NADSYN1: variants seen among roughly 807,000 people sequenced by gnomAD.
NADSYN1 encodes NAD synthetase 1.
In NADSYN1, 80 loss-of-function variants were observed where a neutral mutation model predicts 99.3. The observed-to-expected ratio is 0.81, with a 90% CI of 0.67 to 0.97. The LOEUF (loss-of-function observed/expected upper bound fraction) is 0.97. NADSYN1 is among the 50% of genes least tolerant of loss of function. The probability of loss-of-function intolerance (pLI) is 0.00; values close to 1 mark genes in which losing one functional copy is unlikely to be tolerated. For synonymous variants in NADSYN1, 385 were observed against 372.1 expected (o/e 1.03, Z -0.40); for missense variants, 859 against 948.5 (o/e 0.91, Z 1.24).
chr11:71,492,522 A>G (rs571112189), intron 18 of NADSYN1, among the ~76,000 whole-genome samples: 2 of 152,312 alleles, frequency 1.3e-5, no homozygotes, highest in South Asian at 4.1e-4. Context: ...ATTTGCTGAA[A>G]GGATGATCCT....
intron 5 of NADSYN1, among the ~76,000 whole-genome samples, chr11:71,465,108 A>T (rs1949579094): frequency 6.6e-6 from 1 of 152,148 alleles, no homozygotes; most frequent in Admixed American, 6.5e-5. Context: ...GCAGCACAGC[A>T]GAGAAGGGGC....
intron 11 of NADSYN1, 68 bp from the exon 12 acceptor site, chr11:71,481,288 G>T: frequency 6.5e-7 from 1 of 1,532,128 alleles, no homozygotes; most frequent in Middle Eastern, 2.2e-4. Context: ...GGGCCTGCTT[G>T]GGTGGGTTGT....
chr11:71,465,650 C>T (rs921158640), intron 5 of NADSYN1, among the ~76,000 whole-genome samples: 13 of 152,366 alleles, frequency 8.5e-5, no homozygotes, highest in African/African-American at 3.1e-4. Flanking sequence ...TGTCCCCAGA[C>T]ATTACCAGAT....
chr11:71,481,307 G>A lies in NADSYN1; in HGVS notation c.999-49G>A, dbSNP rs371157199. ...CTGCTTGGGTGGGTTGTTGGGTGCT[G>A]TGGGCAGGGGCCACCGCCTCCGGGC... On this transcript the variant is annotated intron_variant, in intron 11 of 20. Transcript: ENST00000319023. 5 of 1,603,342 alleles carry A rather than the reference G, an allele frequency of 3.1e-6. No individual in the cohort carries two copies. In the African/African-American group the frequency reaches 5.4e-5, roughly 17 times the overall value.
rs113468999 is a variant in NADSYN1, at chr11:71,483,023, G to A, written c.1319+6G>A. On this transcript the variant is annotated splice_donor_region_variant and intron_variant, in intron 14 of 20. Coordinates refer to ENST00000319023, the MANE Select transcript of NADSYN1 (RefSeq NM_018161.5). ...TTGGCCCAGCAGATTGGAAGGTAGAGTTGGTCCCTGGTATTGGGCATGGCA... is the reference window on the plus strand; with the variant it reads ...TTGGCCCAGCAGATTGGAAGGTAGAATTGGTCCCTGGTATTGGGCATGGCA... The A allele has an allele frequency of 1.2e-6, 2 of 1,611,702 alleles. No individual in the cohort carries two copies. Among genetic ancestry groups the A allele is most frequent in the South Asian group, 2.2e-5 (2 of 90,996 alleles).
intron 3 of NADSYN1, among the ~76,000 whole-genome samples, 154 bp from the exon 4 acceptor site, chr11:71,463,278 G>C (rs750055256): frequency 4.7e-4 from 71 of 152,150 alleles, no homozygotes; most frequent in Non-Finnish European, 1.9e-4. Flanking sequence ...TTGATTTGAG[G>C]GTGCCACAGA....
intron 1 of NADSYN1, 54 bp from the exon 2 acceptor site, chr11:71,455,056 T>C: frequency 7.4e-7 from 1 of 1,359,974 alleles, no homozygotes; most frequent in Non-Finnish European, 1.0e-6. Flanking sequence ...CATCTGTCTT[T>C]GAGTGTATAG....
chr11:71,457,323 G>A (rs1949520701), intron 2 of NADSYN1, among the ~76,000 whole-genome samples: 2 of 152,250 alleles, frequency 1.3e-5, no homozygotes, highest in Non-Finnish European at 2.9e-5. Flanking sequence ...TGCTTTCCCA[G>A]ATACTGAAAG....
chr11:71,480,906 G>A, intron 11 of NADSYN1, 27 bp downstream of exon 11: 1 of 1,611,148 alleles, frequency 6.2e-7, no homozygotes, highest in Non-Finnish European at 8.5e-7. Flanking sequence ...CCCTGGGAGG[G>A]ACCTGGCGTC....
chr11:71,501,366 C>A lies in NADSYN1; in HGVS notation c.*14C>A, dbSNP rs1290613334. The stretch of plus-strand genomic sequence containing the variant: ...GGCGTGGACTGAGGCCGGTTCCTTC[C>A]TGGAGGCCTCCTGTCCTCGGGGACC... On this transcript the variant is annotated 3_prime_UTR_variant, in exon 21 of 21. Coordinates refer to ENST00000319023, the MANE Select transcript of NADSYN1 (RefSeq NM_018161.5). 6.3e-7 allele frequency: 1 copy of A among 1,597,118 alleles called. No homozygotes were observed. Among genetic ancestry groups the A allele is most frequent in the East Asian group, 2.3e-5 (1 of 44,154 alleles).
intron 18 of NADSYN1, among the ~76,000 whole-genome samples, chr11:71,496,226 A>G (rs1949817603): frequency 6.6e-6 from 1 of 152,178 alleles, no homozygotes; most frequent in African/African-American, 2.4e-5. Context: ...CCAGGGTCTG[A>G]AATCAAGGTG....
chr11:71,454,639 C>T (rs1949501467), intron 1 of NADSYN1, among the ~76,000 whole-genome samples: 1 of 152,210 alleles, frequency 6.6e-6, no homozygotes, highest in Non-Finnish European at 1.5e-5. Context: ...TCCCTAGGTG[C>T]TTGTTGGAAG....
intron 2 of NADSYN1, among the ~76,000 whole-genome samples, chr11:71,457,758 C>A (rs1184475824): frequency 6.6e-6 from 1 of 152,186 alleles, no homozygotes; most frequent in African/African-American, 2.4e-5. Context: ...ATCTCTGCCT[C>A]CGTCCTCATG....
intron 12 of NADSYN1, chr11:71,481,610 A>T (rs955771669): frequency 5.2e-5 from 32 of 618,466 alleles, no homozygotes; most frequent in Non-Finnish European, 8.5e-5. Context: ...CCACCTTTGG[A>T]GGCTCAGCGG....
At chr11:71,483,194 G>A (rs1949720763) in intron 14 of NADSYN1, among the ~76,000 whole-genome samples, 177 bp downstream of exon 14, 1 of 152,136 alleles carries the variant, frequency 6.6e-6, no homozygotes, top group Non-Finnish European at 1.5e-5. Context: ...ATATTCCACT[G>A]TACGGATAGA....
At chr11:71,462,129 G>C (rs1792319) in intron 3 of NADSYN1, among the ~76,000 whole-genome samples, 134,492 of 152,136 alleles carry the variant, frequency 0.88, 60,002 homozygotes, top group Non-Finnish European at 0.96. Context: ...CCTGAAAGAC[G>C]GGTTCAGGCC....
At chr11:71,482,735 G>T (rs896199997) in intron 13 of NADSYN1, 114 bp from the exon 14 acceptor site, 2 of 1,219,362 alleles carry the variant, frequency 1.6e-6, no homozygotes, top group East Asian at 2.6e-5. Context: ...GCACCTGGGG[G>T]TGTAGACCGG....
In NADSYN1 at chr11:71,474,377, G is replaced by A. The variant is rs763639471; in HGVS notation, c.667-18G>A. 1 of 1,614,026 alleles carries A rather than the reference G, an allele frequency of 6.2e-7. No individual in the cohort carries two copies. The highest frequency in any genetic ancestry group is 8.5e-7 in the Non-Finnish European group (1 of 1,179,914). ...TGGACACAGCTGACCACTCCGCTATGGGGTCCTCCTTTTTCAGAACGGTGG... is the reference window on the plus strand; with the variant it reads ...TGGACACAGCTGACCACTCCGCTATAGGGTCCTCCTTTTTCAGAACGGTGG... On this transcript the variant is annotated intron_variant, in intron 8 of 20. Coordinates refer to ENST00000319023, the MANE Select transcript of NADSYN1 (RefSeq NM_018161.5).
intron 11 of NADSYN1, 123 bp from the exon 12 acceptor site, chr11:71,481,233 G>A (rs1949705112): frequency 1.0e-6 from 1 of 969,982 alleles, no homozygotes; most frequent in Non-Finnish European, 1.6e-6. Context: ...AGCAGAGACG[G>A]GCGTCCTGAG....
Sources: gnomAD v4.1 joint callset for allele counts (sites outside exome capture counted in the v4.1 genomes callset) on GRCh38, gnomAD v4.1.1 for gene constraint, MANE v1.5 for transcripts, NCBI Gene and HGNC (gene_info 2026-07-23, HGNC 2026-07-21) for gene names.